AIG1: variants seen among roughly 807,000 people sequenced by gnomAD.
AIG1 encodes the protein androgen-induced gene 1 protein.
In AIG1, 23 loss-of-function variants were observed where a neutral mutation model predicts 31.4. The ratio of observed to expected loss-of-function variants is 0.73; its 90% CI spans 0.53 to 1.04. The LOEUF (loss-of-function observed/expected upper bound fraction) is 1.04, where lower values mean the gene tolerates loss of function less well. Ranked by LOEUF, AIG1 falls within the 50% of genes least tolerant of loss-of-function variation. The pLI, the probability that AIG1 is intolerant of heterozygous loss-of-function variation, is 0.00. For missense variants in AIG1, 274 were observed against 295.0 expected, an observed-to-expected ratio of 0.93 and a Z score of 0.52; for synonymous variants, 100 against 110.5, an observed-to-expected ratio of 0.90 and a Z score of 0.60.
At chr6:143,134,500 A>G (rs935119176) in intron 1 of AIG1, among the ~76,000 whole-genome samples, 1 of 151,500 alleles carries the variant, frequency 6.6e-6, no homozygotes, top group African/African-American at 2.4e-5. Context: ...TATCCAGTCA[A>G]CTATTAAGAA....
Position 143,302,210 on chromosome 6 carries a change from CT to C in AIG1, c.515+17993del, listed in dbSNP as rs1021190015. Among the ~76,000 whole-genome samples the C allele has an allele frequency of 1.1e-3, 158 of 147,126 alleles. 1 individual carries two copies. The highest frequency in any genetic ancestry group is 3.8e-3 in the African/African-American group (152 of 39,990). ...TTTTTTATTTTTTATTTTTTTCTTT[CT>C]TTTTTTTAATTTAATTTTATTATTA... On this transcript the variant is annotated intron_variant, in intron 4 of 5. Transcript: ENST00000357847.
intron 4 of AIG1, among the ~76,000 whole-genome samples, chr6:143,314,969 G>T (rs1470999937): frequency 6.6e-6 from 1 of 152,032 alleles, no homozygotes; most frequent in Non-Finnish European, 1.5e-5. Context: ...TTCGTCAAAT[G>T]AATCTTTGGC....
chr6:143,268,187 T>C lies in AIG1; in HGVS notation c.400-15923T>C, dbSNP rs983803201. Among the ~76,000 whole-genome samples the C allele has an allele frequency of 3.3e-5, 5 of 152,130 alleles. No individual in the cohort carries two copies. Among genetic ancestry groups the C allele is most frequent in the Non-Finnish European group, 5.9e-5 (4 of 68,022 alleles). ...GTCTGTGGGTGAAAATGACAAAACA[T>C]AGGGCCATAAGGAGGAATAAAACCA... On this transcript the variant is annotated intron_variant, in intron 3 of 5. Coordinates refer to ENST00000357847, the MANE Select transcript of AIG1 (RefSeq NM_016108.4). The surrounding 1 kb of genome is among the most constrained non-coding windows in gnomAD (Gnocchi z 5.0).
intron 3 of AIG1, among the ~76,000 whole-genome samples, chr6:143,255,707 A>G (rs4896630): frequency 0.011 from 1,624 of 152,278 alleles, 45 homozygotes; most frequent in East Asian, 0.065. Flanking sequence ...ATGAGAGTAT[A>G]TGCCTATATG....
intron 3 of AIG1, among the ~76,000 whole-genome samples, chr6:143,265,302 CA>C (rs1796081060): frequency 1.3e-5 from 2 of 152,184 alleles, no homozygotes; most frequent in African/African-American, 4.8e-5. Flanking sequence ...AATTTAAAAA[CA>C]AAAACTAGCA....
intron 1 of AIG1, among the ~76,000 whole-genome samples, chr6:143,081,638 G>T (rs906051286): frequency 1.3e-5 from 2 of 151,894 alleles, no homozygotes; most frequent in Non-Finnish European, 2.9e-5. Flanking sequence ...GAAAAGGCCT[G>T]GTCCAGTAAA....
chr6:143,065,243 G>T (rs1319170949), intron 1 of AIG1, among the ~76,000 whole-genome samples: 2 of 152,198 alleles, frequency 1.3e-5, no homozygotes, highest in Admixed American at 1.3e-4. Context: ...GGTCACAGGG[G>T]TTACAATGGC....
At chr6:143,084,509 C>T (rs1405620599) in intron 1 of AIG1, among the ~76,000 whole-genome samples, 1 of 152,154 alleles carries the variant, frequency 6.6e-6, no homozygotes, top group South Asian at 2.1e-4. Context: ...TCCACCTGCT[C>T]CTCCTGATCT....
At position 143,329,643 on chromosome 6, in the gene AIG1, G is replaced by T. The variant is rs1005591191; in HGVS notation, c.516-3639G>T. Among the ~76,000 whole-genome samples the T allele has an allele frequency of 2.6e-5, 4 of 152,104 alleles. No individual in the cohort carries two copies. Among genetic ancestry groups the T allele is most frequent in the South Asian group, 2.1e-4 (1 of 4,818 alleles). On this transcript the variant is annotated intron_variant, in intron 4 of 5. Coordinates refer to ENST00000357847, the MANE Select transcript of AIG1 (RefSeq NM_016108.4). The surrounding 1 kb of genome is among the most constrained non-coding windows in gnomAD (Gnocchi z 4.9). The stretch of plus-strand genomic sequence containing the variant: ...CTACTTAAACAAGTAGTCAGCAGAT[G>T]ACAGCCGGTGTGCCAAATCCAGCCC...
intron 1 of AIG1, among the ~76,000 whole-genome samples, chr6:143,095,859 A>C (rs1347123304): frequency 6.6e-6 from 1 of 152,040 alleles, no homozygotes; most frequent in African/African-American, 2.4e-5. Flanking sequence ...ATTGGTCAAA[A>C]ATTGAGCTGA....
chr6:143,182,043 C>A (rs1788777113), intron 3 of AIG1, among the ~76,000 whole-genome samples: 2 of 151,568 alleles, frequency 1.3e-5, no homozygotes, highest in Admixed American at 1.3e-4. Context: ...TTTTTAAAGA[C>A]AGAGTCTCAC....
chr6:143,245,566 C>G (rs1158823401), intron 3 of AIG1, among the ~76,000 whole-genome samples: 3 of 152,190 alleles, frequency 2.0e-5, no homozygotes, highest in Non-Finnish European at 4.4e-5. Context: ...CCCAAAGCTA[C>G]AGTCATACAG....
chr6:143,285,212 A>G (rs888974620), intron 4 of AIG1, among the ~76,000 whole-genome samples: 2 of 151,862 alleles, frequency 1.3e-5, no homozygotes, highest in African/African-American at 4.8e-5. Flanking sequence ...CACTTTGCAT[A>G]AACAATCACA....
chr6:143,185,518 C>T (rs138540641), intron 3 of AIG1, among the ~76,000 whole-genome samples: 274 of 152,330 alleles, frequency 1.8e-3, no homozygotes, highest in South Asian at 5.8e-3. Context: ...TGTGCTCATG[C>T]ATGCATCACC....
At chr6:143,139,250 C>T (rs1434468985) in intron 2 of AIG1, among the ~76,000 whole-genome samples, 1 of 152,098 alleles carries the variant, frequency 6.6e-6, no homozygotes, top group Non-Finnish European at 1.5e-5. Context: ...TGTTGTTTTG[C>T]CTATGTTTTA....
intron 1 of AIG1, among the ~76,000 whole-genome samples, chr6:143,096,730 T>C (rs1048418341): frequency 2.6e-5 from 4 of 152,220 alleles, no homozygotes; most frequent in African/African-American, 7.2e-5. Flanking sequence ...ATATTAATAA[T>C]TGATAGTTTC....
At chr6:143,160,688 T>A (rs994635814) in intron 2 of AIG1, among the ~76,000 whole-genome samples, 3 of 152,152 alleles carry the variant, frequency 2.0e-5, no homozygotes, top group African/African-American at 7.2e-5. Context: ...CATGCCCTGG[T>A]AGGAGAGTTC....
At chr6:143,109,023 CTG>C (rs1475669436) in intron 1 of AIG1, among the ~76,000 whole-genome samples, 1 of 152,186 alleles carries the variant, frequency 6.6e-6, no homozygotes, top group African/African-American at 2.4e-5. Context: ...ACCTCTGTCA[CTG>C]TAGATTATAG....
Position 143,074,815 on chromosome 6 carries a change from T to C in AIG1, c.141+13749T>C, listed in dbSNP as rs142175080. ...CCTCTCAGTTCATGAGGAACATTTG[T>C]CAATAGTGTGTTTTTCTTTTATTGT... On this transcript the variant is annotated intron_variant, in intron 1 of 5. Transcript: ENST00000357847. 6.2e-3 allele frequency among the ~76,000 whole-genome samples: 947 copies of C among 152,348 alleles called. 15 individuals are homozygous for C. The highest frequency in any genetic ancestry group is 0.019 in the African/African-American group (804 of 41,566).
Sources: gnomAD v4.1 joint callset for allele counts (sites outside exome capture counted in the v4.1 genomes callset) on GRCh38, gnomAD v4.1.1 for gene constraint, Gnocchi (gnomAD v3.1) non-coding constraint, MANE v1.5 for transcripts, NCBI Gene and HGNC (gene_info 2026-07-23, HGNC 2026-07-21) for gene names.